VCP: variants seen among roughly 807,000 people sequenced by gnomAD.
The protein encoded by VCP is valosin containing protein, also known as transitional endoplasmic reticulum ATPase.
A neutral mutation model predicts 85.7 loss-of-function variants in VCP; 6 were observed. The observed-to-expected ratio is 0.07, with a 90% CI of 0.04 to 0.14. The LOEUF is 0.14. Among genes scored for constraint, VCP ranks in the 10% least tolerant of loss-of-function variants. VCP has a pLI of 1.00. For synonymous variants in VCP, 384 were observed against 367.1 expected (o/e 1.05, Z -0.53); for missense variants, 353 against 1,043.4 (o/e 0.34, Z 9.12).
intron 12 of VCP, 35 bp from the exon 13 acceptor site, chr9:35,060,560 T>A (rs758189260): frequency 5.9e-5 from 95 of 1,605,208 alleles, no homozygotes; most frequent in Non-Finnish European, 1.6e-5. Context: ...CAAGGCTACC[T>A]CCACATTTTG....
intron 6 of VCP, 140 bp from the exon 7 acceptor site, chr9:35,063,220 G>A: frequency 2.6e-6 from 2 of 755,570 alleles, no homozygotes; most frequent in Admixed American, 2.1e-5. Flanking sequence ...TAAATGCTAA[G>A]AAGACAATTA....
chr9:35,065,891 C>T (rs897250661), intron 4 of VCP, among the ~76,000 whole-genome samples: 66 of 152,038 alleles, frequency 4.3e-4, no homozygotes, highest in Admixed American at 1.3e-3. Flanking sequence ...GTCTAGCGGC[C>T]GGGCACAGTG....
At position 35,070,113 on chromosome 9, in the gene VCP, C is replaced by G. The variant is rs543779544; in HGVS notation, c.18-1751G>C. On this transcript the variant is annotated intron_variant, in intron 1 of 16. Transcript: ENST00000358901. ...ATCTAACAAAATGGTAGGCCTTCTG[C>G]TAACCCTCACACATAGGCTGCATTT... Among the ~76,000 whole-genome samples the G allele has an allele frequency of 3.3e-5, 5 of 152,306 alleles. No homozygotes were observed. The East Asian group carries it at 9.7e-4, about 29-fold the overall frequency.
Position 35,057,280 on chromosome 9 carries a change from CACAACT to C in VCP, c.2316-64_2316-59del, listed in dbSNP as rs1301202418. 1.9e-6 allele frequency: 3 copies of C among 1,613,702 alleles called. No individual in the cohort carries two copies. The African/African-American group carries it at 4.0e-5, about 22-fold the overall frequency. On this transcript the variant is annotated intron_variant, in intron 16 of 16. Transcript: ENST00000358901. The stretch of plus-strand genomic sequence containing the variant: ...TAGGACAGGGCCTGTGTAAGATTTC[CACAACT>C]ACCCCTCTAGCTTCCTTAGGACTCC...
Position 35,067,994 on chromosome 9 carries a change from C to T in VCP, c.199G>A (p.Ala67Thr). The change falls in exon 3 of 17, where the codon GCT becomes ACT. Residue 67 changes from alanine (A) to threonine (T), a missense_variant. Transcript: ENST00000358901. ...TCATCAGAAAGGACGATGCAAACAG[C>T]TTCTCGTCTCTTCTTTCCTTTCAGC... ...VLLKGKKRREAVCIVLSDDTC... is the reference protein window; with the variant it reads ...VLLKGKKRRETVCIVLSDDTC... 1 of 1,614,216 alleles carries T rather than the reference C, an allele frequency of 6.2e-7. No homozygotes were observed.
At chr9:35,066,488 A>G (rs1828834263) in intron 4 of VCP, among the ~76,000 whole-genome samples, 187 bp downstream of exon 4, 1 of 151,498 alleles carries the variant, frequency 6.6e-6, no homozygotes, top group South Asian at 2.1e-4. Context: ...CAGCCTCCCA[A>G]ATTGCTGGGA....
intron 5 of VCP, 21 bp from the exon 6 acceptor site, chr9:35,064,306 G>A (rs200672216): frequency 1.9e-6 from 3 of 1,613,384 alleles, no homozygotes; most frequent in South Asian, 1.1e-5. Context: ...AGGAGATAAA[G>A]AAAGGAGAAG....
intron 4 of VCP, 75 bp from the exon 5 acceptor site, chr9:35,065,456 G>A: frequency 1.2e-6 from 2 of 1,600,332 alleles, no homozygotes; most frequent in South Asian, 2.2e-5. Flanking sequence ...CAGACCCTGG[G>A]GTCAAAATGC....
At chr9:35,063,496 T>C (rs913111902) in intron 6 of VCP, among the ~76,000 whole-genome samples, 2 of 152,214 alleles carry the variant, frequency 1.3e-5, no homozygotes, top group African/African-American at 4.8e-5. Context: ...CCAGTAATCA[T>C]GCCCTCCAGA....
chr9:35,071,761 G>T, intron 1 of VCP: 1 of 989,298 alleles, frequency 1.0e-6, no homozygotes, highest in Non-Finnish European at 1.2e-6. Context: ...GCCCACCTCC[G>T]GCCCCGCCGA....
chr9:35,061,218 C>T (rs1828714862), intron 10 of VCP, 39 bp from the exon 11 acceptor site: 1 of 1,611,900 alleles, frequency 6.2e-7, no homozygotes, highest in Non-Finnish European at 8.5e-7. Context: ...GCCTCAAAGA[C>T]CCAGCTGCTG....
chr9:35,071,635 A>C, intron 1 of VCP: 1 of 895,014 alleles, frequency 1.1e-6, no homozygotes, highest in Non-Finnish European at 1.3e-6. Flanking sequence ...ATTAAGGAAA[A>C]CTGGCTCAAA....
At position 35,064,295 on chromosome 9, in the gene VCP, G is replaced by A. The variant is rs778331428; in HGVS notation, c.577-10C>T. 1.7e-5 allele frequency: 28 copies of A among 1,613,940 alleles called. 1 individual carries two copies. The South Asian group carries it at 2.0e-4, about 11-fold the overall frequency. Reference sequence around the variant, plus strand: ...AGGACTCTTCCTCATCCTGAATATGGAGGAGATAAAGAAAGGAGAAGGCAA... The same window carrying A: ...AGGACTCTTCCTCATCCTGAATATGAAGGAGATAAAGAAAGGAGAAGGCAA... On this transcript the variant is annotated splice_polypyrimidine_tract_variant and intron_variant, in intron 5 of 16. Transcript: ENST00000358901.
chr9:35,072,114 C>T (rs904235187), intron 1 of VCP: 3 of 1,361,266 alleles, frequency 2.2e-6, no homozygotes, highest in Non-Finnish European at 2.8e-6. Flanking sequence ...CAGGCTCCGA[C>T]CCGGACCCAA....
At chr9:35,061,502 C>T (rs1828719875) in intron 10 of VCP, 75 bp downstream of exon 10, 7 of 1,382,936 alleles carry the variant, frequency 5.1e-6, no homozygotes, top group Non-Finnish European at 7.2e-6. Context: ...ACATCTTAAC[C>T]TTATGTCTCT....
chr9:35,069,923 G>A (rs962138466), intron 1 of VCP, among the ~76,000 whole-genome samples: 10 of 152,272 alleles, frequency 6.6e-5, no homozygotes, highest in Non-Finnish European at 1.5e-4. Context: ...TTGTTCTAAG[G>A]GCTGGGGATA....
intron 1 of VCP, among the ~76,000 whole-genome samples, chr9:35,070,802 C>G (rs1283531069): frequency 1.3e-5 from 2 of 152,206 alleles, no homozygotes; most frequent in African/African-American, 4.8e-5. Context: ...CCATCCCGGA[C>G]TCTGGCTCTG....
intron 5 of VCP, 55 bp downstream of exon 5, chr9:35,065,196 G>A (rs1467189992): frequency 1.2e-6 from 2 of 1,612,634 alleles, no homozygotes; most frequent in Non-Finnish European, 1.7e-6. Context: ...GTTACCACAT[G>A]ATGCCACACT....
intron 1 of VCP, chr9:35,071,970 G>A (rs373578800): frequency 6.5e-6 from 7 of 1,076,858 alleles, no homozygotes; most frequent in African/African-American, 5.1e-5. Context: ...TAGGCCGGAC[G>A]GCAGACTGGC....
Sources: gnomAD v4.1 joint callset for allele counts (sites outside exome capture counted in the v4.1 genomes callset) on GRCh38, gnomAD v4.1.1 for gene constraint, MANE v1.5 for transcripts, NCBI Gene and HGNC (gene_info 2026-07-23, HGNC 2026-07-21) for gene names.